The following ANKRD18B variants were observed in gnomAD, a reference collection of about 807,000 sequenced individuals.
ANKRD18B encodes the protein ankyrin repeat domain 18B.
In ANKRD18B, 75 loss-of-function variants were observed where a neutral mutation model predicts 111.8. That is an observed-to-expected ratio of 0.67 (90% CI 0.56 to 0.81). The LOEUF (loss-of-function observed/expected upper bound fraction) is 0.81. Ranked by LOEUF, ANKRD18B falls within the 40% of genes least tolerant of loss-of-function variation. The pLI is 0.00. For synonymous variants in ANKRD18B, 356 were observed against 417.3 expected (o/e 0.85, Z 1.79); for missense variants, 1,038 against 1,225.5 (o/e 0.85, Z 2.28).
chr9:33,534,568 A>G, intron 5 of ANKRD18B, 61 bp downstream of exon 5: 1 of 1,454,320 alleles, frequency 6.9e-7, no homozygotes, highest in Non-Finnish European at 9.1e-7. Flanking sequence ...AATTATAACT[A>G]TTGCATCTTA....
chr9:33,565,027 T>C (rs1379484682), intron 14 of ANKRD18B, among the ~76,000 whole-genome samples: 2 of 152,222 alleles, frequency 1.3e-5, no homozygotes, highest in Admixed American at 1.3e-4. Context: ...TCAGTTGTAG[T>C]ACCATTTGTC....
At chr9:33,537,365 A>G (rs1012611003) in intron 6 of ANKRD18B, among the ~76,000 whole-genome samples, 24 of 152,246 alleles carry the variant, frequency 1.6e-4, no homozygotes, top group East Asian at 5.8e-4. Context: ...AAATATGTTT[A>G]TATATAAATT....
chr9:33,550,681 G>T, intron 12 of ANKRD18B, 102 bp downstream of exon 12: 2 of 1,171,678 alleles, frequency 1.7e-6, no homozygotes, highest in Non-Finnish European at 1.1e-6. Context: ...GCTTGATTTT[G>T]TATTTTCATT....
chr9:33,530,662 G>C (rs1357780015), intron 3 of ANKRD18B, among the ~76,000 whole-genome samples: 7 of 152,094 alleles, frequency 4.6e-5, no homozygotes, highest in Non-Finnish European at 8.8e-5. Flanking sequence ...CATTTGATAG[G>C]TGCTACTTTC....
chr9:33,547,260 T>C (rs1423391679), intron 10 of ANKRD18B, among the ~76,000 whole-genome samples: 1 of 152,058 alleles, frequency 6.6e-6, no homozygotes, highest in African/African-American at 2.4e-5. Context: ...GGAAGTAGAG[T>C]CAGAAGCCGT....
chr9:33,551,084 C>T (rs1229620666), intron 12 of ANKRD18B, among the ~76,000 whole-genome samples: 1 of 152,178 alleles, frequency 6.6e-6, no homozygotes, highest in African/African-American at 2.4e-5. Flanking sequence ...AATTTACAAA[C>T]TACTTGAAAA....
chr9:33,569,699 TAAATA>T (rs753771027), intron 17 of ANKRD18B, among the ~76,000 whole-genome samples: 2 of 152,220 alleles, frequency 1.3e-5, no homozygotes, highest in Non-Finnish European at 2.9e-5. Flanking sequence ...TTTTATGAAT[TAAATA>T]AAACACTGAA....
chr9:33,573,526 A>T (rs1385596309), downstream of ANKRD18B, among the ~76,000 whole-genome samples: 1 of 145,084 alleles, frequency 6.9e-6, no homozygotes, highest in African/African-American at 2.4e-5. Flanking sequence ...ATGTCCAGGC[A>T]GTGCCAGGCC....
chr9:33,569,452 A>G (rs1587279056), intron 17 of ANKRD18B, among the ~76,000 whole-genome samples: 2 of 151,702 alleles, frequency 1.3e-5, no homozygotes, highest in Non-Finnish European at 2.9e-5. Flanking sequence ...TTTAGTAGAG[A>G]TAGGATTTCA....
intron 16 of ANKRD18B, among the ~76,000 whole-genome samples, chr9:33,567,855 T>A (rs1357118028): frequency 2.0e-5 from 3 of 152,208 alleles, no homozygotes; most frequent in Non-Finnish European, 4.4e-5. Flanking sequence ...AAGGCATCCT[T>A]GTGAAAGAGG....
chr9:33,529,225 G>A (rs1320611017), intron 3 of ANKRD18B, 52 bp downstream of exon 3: 7 of 1,517,944 alleles, frequency 4.6e-6, no homozygotes, highest in Non-Finnish European at 5.3e-6. Flanking sequence ...TATTGACATA[G>A]GTAAGAGTCA....
chr9:33,533,627 A>C (rs927007519), intron 4 of ANKRD18B, 82 bp downstream of exon 4: 3 of 1,457,646 alleles, frequency 2.1e-6, no homozygotes, highest in Non-Finnish European at 1.8e-6. Flanking sequence ...CAAGTCAGAA[A>C]TGTTAATAAG....
chr9:33,543,258 A>G lies in ANKRD18B; in HGVS notation c.1149+3A>G, dbSNP rs1217568028. 4 of 1,543,804 alleles carry G rather than the reference A, an allele frequency of 2.6e-6. No homozygotes were observed. The East Asian group carries it at 7.3e-5, about 28-fold the overall frequency. On this transcript the variant is annotated splice_donor_region_variant and intron_variant, in intron 10 of 18. Transcript: ENST00000684830. ...GAAGTGAAAATAAACAGCCGCAGGT[A>G]TATAACAATTTAAATTTCTGGTTTA...
intron 18 of ANKRD18B, 49 bp from the exon 19 acceptor site, chr9:33,572,267 A>G: frequency 7.0e-7 from 1 of 1,427,166 alleles, no homozygotes; most frequent in Non-Finnish European, 9.8e-7. Flanking sequence ...ACACTTCGTT[A>G]ACTGAAATGT....
intron 1 of ANKRD18B, among the ~76,000 whole-genome samples, chr9:33,525,656 G>A (rs903884925): frequency 6.6e-6 from 1 of 151,538 alleles, no homozygotes; most frequent in African/African-American, 2.4e-5. Context: ...GCATTCTGAA[G>A]GTTGATTTAG....
chr9:33,536,253 G>A (rs775881045), intron 5 of ANKRD18B, among the ~76,000 whole-genome samples: 3 of 152,114 alleles, frequency 2.0e-5, no homozygotes, highest in Non-Finnish European at 4.4e-5. Context: ...TACAAGTTAT[G>A]AACTAGCTAA....
chr9:33,558,453 G>T (rs531703488), intron 14 of ANKRD18B, among the ~76,000 whole-genome samples: 1 of 152,076 alleles, frequency 6.6e-6, no homozygotes, highest in South Asian at 2.1e-4. Context: ...GCAGTGTTTG[G>T]TTTTTTGTTC....
chr9:33,525,151 GTT>G (rs1828008587), intron 1 of ANKRD18B, among the ~76,000 whole-genome samples: 1 of 152,096 alleles, frequency 6.6e-6, no homozygotes, highest in South Asian at 2.1e-4. Context: ...CTCTTAATAT[GTT>G]TATCAGTTTT....
At chr9:33,554,255 C>T (rs1389461121) in intron 12 of ANKRD18B, among the ~76,000 whole-genome samples, 1 of 151,936 alleles carries the variant, frequency 6.6e-6, no homozygotes, top group Non-Finnish European at 1.5e-5. Flanking sequence ...GGTGAGACAG[C>T]CCCCCTTCAA....
Sources: allele counts gnomAD v4.1 joint callset (sites outside exome capture counted in the v4.1 genomes callset), GRCh38; gene constraint gnomAD v4.1.1; transcripts MANE v1.5; gene names NCBI Gene and HGNC (gene_info 2026-07-23, HGNC 2026-07-21).